The following TBCE variants were observed in gnomAD, a reference collection of about 807,000 sequenced individuals.
TBCE encodes the protein tubulin folding cofactor E, also known as tubulin-specific chaperone E.
In TBCE, 53 loss-of-function variants were observed where a neutral mutation model predicts 77.0. That is an observed-to-expected ratio of 0.69 (90% CI 0.55 to 0.87). TBCE has a LOEUF of 0.87. Ranked by LOEUF, TBCE falls within the 40% of genes least tolerant of loss-of-function variation. The pLI, the probability that TBCE is intolerant of heterozygous loss-of-function variation, is 0.00. For missense variants in TBCE, 624 were observed against 622.4 expected (o/e 1.00, Z -0.03); for synonymous variants, 235 against 241.3 (o/e 0.97, Z 0.24).
chr1:235,441,368 G>A (rs1681866193), intron 13 of TBCE: 1 of 259,376 alleles, frequency 3.9e-6, no homozygotes, highest in Non-Finnish European at 7.4e-6. Flanking sequence ...GAAGTGTCCT[G>A]TGGATCGTGT....
At chr1:235,440,258 C>G (rs553309757) in intron 13 of TBCE, among the ~76,000 whole-genome samples, 3 of 152,206 alleles carry the variant, frequency 2.0e-5, no homozygotes, top group East Asian at 1.9e-4. Context: ...GCGTGAGCCA[C>G]CGCGCCCAGC....
In TBCE at chr1:235,451,253, TCTCTCTCCC is replaced by T. The variant is rs1296334742; in HGVS notation, c.*2495_*2503del. 2.6e-5 allele frequency: 4 copies of T among 151,328 alleles called. No homozygotes were observed. The highest frequency in any genetic ancestry group is 7.3e-5 in the African/African-American group (3 of 41,142). The allele number at this position is 151,328 out of a possible 1,614,324, so 9.4% of individuals were successfully genotyped here. A position where few individuals can be genotyped will look rare whatever the true frequency, so the allele number is the denominator to read the frequency against. On this transcript the variant is annotated 3_prime_UTR_variant, in exon 17 of 17. Transcript: ENST00000642610. ...TGCCCCTCAGTGGGATGGAAAGGAG[TCTCTCTCCC>T]CTCAGTGCCTACCCACAGCTTGCAC...
Position 235,448,766 on chromosome 1 carries a change from C to G in TBCE, c.*4C>G, listed in dbSNP as rs764155861. 3.7e-6 allele frequency: 6 copies of G among 1,602,574 alleles called. No homozygotes were observed. The highest frequency in any genetic ancestry group is 5.1e-6 in the Non-Finnish European group (6 of 1,169,898). ...TTGTCTATTAGTGCGATGGTGACAA[C>G]CAACTAATAAAATTTAAAGACCACA... On this transcript the variant is annotated 3_prime_UTR_variant, in exon 17 of 17. Coordinates refer to ENST00000642610, the MANE Select transcript of TBCE (RefSeq NM_003193.5).
chr1:235,446,183 C>CTTT (rs11463602), intron 15 of TBCE, among the ~76,000 whole-genome samples: 1 of 149,048 alleles, frequency 6.7e-6, no homozygotes, highest in African/African-American at 2.5e-5. Flanking sequence ...CCTATACATC[C>CTTT]TTTTTTTTTT....
At chr1:235,424,103 A>T (rs1208686876) in intron 5 of TBCE, among the ~76,000 whole-genome samples, 1 of 152,114 alleles carries the variant, frequency 6.6e-6, no homozygotes, top group African/African-American at 2.4e-5. Context: ...GGGTGCAATG[A>T]TATGGATTTT....
Position 235,451,366 on chromosome 1 carries a change from G to A in TBCE, c.*2604G>A, listed in dbSNP as rs1219431044. On this transcript the variant is annotated 3_prime_UTR_variant, in exon 17 of 17. Coordinates refer to ENST00000642610, the MANE Select transcript of TBCE (RefSeq NM_003193.5). ...CAAAAATCTGAAGTATTCATAGATG[G>A]TAGTATTCCTAGATGCATGGCAGAA... 6.6e-6 allele frequency: 1 copy of A among 151,036 alleles called. No homozygotes were observed. The highest frequency in any genetic ancestry group is 2.4e-5 in the African/African-American group (1 of 41,034). 9.4% of individuals were successfully genotyped at this position (151,036 alleles called of 1,614,324 possible).
At position 235,382,089 on chromosome 1, in the gene TBCE, T is replaced by A. The variant is rs1677704634; in HGVS notation, c.100+1940T>A. Among the ~76,000 whole-genome samples, 3 of 151,194 alleles carry A rather than the reference T, an allele frequency of 2.0e-5. No individual in the cohort carries two copies. In the South Asian group the frequency reaches 6.3e-4, roughly 32 times the overall value. On this transcript the variant is annotated intron_variant, in intron 2 of 16. Coordinates refer to ENST00000642610, the MANE Select transcript of TBCE (RefSeq NM_003193.5). ...GTTTGGTTTTTTGTCCTTGTGATAG[T>A]TTACTGAGAATGATGATTTCCAATT... is the stretch of plus-strand genomic sequence containing the variant.
intron 2 of TBCE, among the ~76,000 whole-genome samples, chr1:235,391,415 G>A (rs1275880440): frequency 1.3e-5 from 2 of 150,620 alleles, no homozygotes; most frequent in Non-Finnish European, 3.0e-5. Context: ...AACCTGGGAC[G>A]TGGAGGTTGC....
At chr1:235,385,134 AG>A (rs1195668853) in intron 2 of TBCE, among the ~76,000 whole-genome samples, 3 of 151,940 alleles carry the variant, frequency 2.0e-5, no homozygotes, top group African/African-American at 7.3e-5. Context: ...GTTTTGAGTG[AG>A]TTTCTTAATC....
Position 235,403,504 on chromosome 1 carries a change from C to A in TBCE, c.185+1917C>A, listed in dbSNP as rs546063125. 6.0e-4 allele frequency among the ~76,000 whole-genome samples: 92 copies of A among 152,306 alleles called. 1 individual carries two copies. The highest frequency in any genetic ancestry group is 2.1e-3 in the African/African-American group (88 of 41,566). The stretch of plus-strand genomic sequence containing the variant: ...GGATTACAGGTGTGAGCCACCACCC[C>A]CTGTGAAAGGACTTTTTATTTGGAA... On this transcript the variant is annotated intron_variant, in intron 3 of 16. Coordinates refer to ENST00000642610, the MANE Select transcript of TBCE (RefSeq NM_003193.5).
intron 2 of TBCE, among the ~76,000 whole-genome samples, chr1:235,401,284 G>C (rs1373013068): frequency 2.0e-5 from 3 of 152,026 alleles, no homozygotes; most frequent in African/African-American, 7.2e-5. Flanking sequence ...AGCCATTCTT[G>C]TTTTCTGGAG....
rs564466160 is a variant in TBCE, at chr1:235,408,779, TA to T, written c.186-5651del. On this transcript the variant is annotated intron_variant, in intron 3 of 16. Coordinates refer to ENST00000642610, the MANE Select transcript of TBCE (RefSeq NM_003193.5). ...CTAGTTATGCAACCTTGCTGAACAC[TA>T]AACATTCCTGAAACAAACAGGGTAT... Among the ~76,000 whole-genome samples the T allele has an allele frequency of 2.8e-3, 425 of 152,196 alleles. 4 individuals are homozygous for T. The highest frequency in any genetic ancestry group is 1.1e-3 in the Non-Finnish European group (75 of 68,026).
intron 13 of TBCE, among the ~76,000 whole-genome samples, chr1:235,439,673 A>C (rs1475419492): frequency 6.7e-6 from 1 of 150,018 alleles, no homozygotes; most frequent in African/African-American, 2.4e-5. Context: ...TTTTTAGTAG[A>C]GACGGGGTTT....
intron 1 of TBCE, among the ~76,000 whole-genome samples, chr1:235,376,699 G>A (rs1437224938): frequency 1.3e-5 from 2 of 152,076 alleles, no homozygotes; most frequent in Non-Finnish European, 2.9e-5. Context: ...TAAACTGGCC[G>A]GCACAGTGGC....
At chr1:235,393,429 T>C (rs1340753353) in intron 2 of TBCE, among the ~76,000 whole-genome samples, 1 of 151,854 alleles carries the variant, frequency 6.6e-6, no homozygotes, top group East Asian at 1.9e-4. Context: ...TCCCAGCTAC[T>C]TGGGAGGCTG....
Position 235,379,901 on chromosome 1 carries a change from T to C in TBCE, c.-31-118T>C. ...AGGTGGGGGTTGCAGTGAGCCGAGATTGCGCCACTGCACTCCAGCCTGGGC... is the reference window on the plus strand; with the variant it reads ...AGGTGGGGGTTGCAGTGAGCCGAGACTGCGCCACTGCACTCCAGCCTGGGC... On this transcript the variant is annotated intron_variant, in intron 1 of 16. Coordinates refer to ENST00000642610, the MANE Select transcript of TBCE (RefSeq NM_003193.5). 1.0e-5 allele frequency: 6 copies of C among 588,100 alleles called. No individual in the cohort carries two copies. The Admixed American group carries it at 1.5e-4, about 15-fold the overall frequency. The allele number at this position is 588,100 out of a possible 1,614,324, so 36.4% of individuals were successfully genotyped here. A position where few individuals can be genotyped will look rare whatever the true frequency, so the allele number is the denominator to read the frequency against.
intron 4 of TBCE, 68 bp from the exon 5 acceptor site, chr1:235,419,405 A>T (rs1315996928): frequency 6.2e-7 from 1 of 1,610,436 alleles, no homozygotes; most frequent in African/African-American, 1.3e-5. Context: ...AAATGTGTTT[A>T]ATTTTTTAAA....
At chr1:235,436,018 C>T (rs567928256) in intron 9 of TBCE, 178 bp downstream of exon 9, 1 of 649,452 alleles carries the variant, frequency 1.5e-6, no homozygotes, top group Admixed American at 2.7e-5. Context: ...TACTTGTGAA[C>T]CCTGTATAAT....
intron 6 of TBCE, among the ~76,000 whole-genome samples, chr1:235,428,050 C>A (rs148411445): frequency 6.7e-6 from 1 of 149,308 alleles, no homozygotes; most frequent in Non-Finnish European, 1.5e-5. Context: ...AAGGGCCAGG[C>A]GCAGTGGCTC....
Sources: gnomAD v4.1 joint callset for allele counts (sites outside exome capture counted in the v4.1 genomes callset) on GRCh38, gnomAD v4.1.1 for gene constraint, MANE v1.5 for transcripts, NCBI Gene and HGNC (gene_info 2026-07-23, HGNC 2026-07-21) for gene names.